Variants in IRAG1 observed in about 807,000 individuals in gnomAD.
IRAG1 encodes the protein inositol 1,4,5-triphosphate receptor associated 1.
In IRAG1, 62 loss-of-function variants were observed where a neutral mutation model predicts 106.2. That is an observed-to-expected ratio of 0.58 (90% confidence interval 0.48 to 0.72). The LOEUF is 0.72. Ranked by LOEUF, IRAG1 falls within the 30% of genes least tolerant of loss-of-function variation. IRAG1 has a pLI of 0.00. For synonymous variants in IRAG1, 462 were observed against 443.9 expected (o/e 1.04, Z -0.51); for missense variants, 1,064 against 1,140.7 (o/e 0.93, Z 0.97).
chr11:10,623,035 G>A (rs576838941), intron 10 of IRAG1, among the ~76,000 whole-genome samples: 2 of 152,206 alleles, frequency 1.3e-5, no homozygotes, highest in African/African-American at 4.8e-5. Context: ...AAGAAGGCAG[G>A]TACTGTTCTT....
intron 11 of IRAG1, 108 bp from the exon 12 acceptor site, chr11:10,606,880 G>T: frequency 9.8e-7 from 1 of 1,024,338 alleles, no homozygotes; most frequent in Non-Finnish European, 1.4e-6. Context: ...GGAGTAAGCT[G>T]TGTTGGTGAG....
intron 1 of IRAG1, chr11:10,690,400 C>A (rs1861970264): frequency 1.6e-6 from 2 of 1,286,746 alleles, no homozygotes; most frequent in African/African-American, 3.0e-5. Context: ...TCCTGTCCGA[C>A]CAACTGTCCT....
At chr11:10,658,781 GCCCCGTGTCTGTGCTGTGC>G (rs1859151295) in intron 1 of IRAG1, among the ~76,000 whole-genome samples, 1 of 149,496 alleles carries the variant, frequency 6.7e-6, no homozygotes, top group Non-Finnish European at 1.5e-5. Flanking sequence ...TGCTGTGCTT[GCCCCGTGTCTGTGCTGTGC>G]TCAGTCCTAG....
intron 20 of IRAG1, among the ~76,000 whole-genome samples, chr11:10,576,886 A>C (rs1257847374): frequency 6.6e-6 from 1 of 152,226 alleles, no homozygotes; most frequent in African/African-American, 2.4e-5. Context: ...TCATCCATCC[A>C]TACATGCCCT....
At chr11:10,679,061 G>A (rs2135173147) in intron 1 of IRAG1, among the ~76,000 whole-genome samples, 1 of 152,252 alleles carries the variant, frequency 6.6e-6, no homozygotes, top group South Asian at 2.1e-4. Flanking sequence ...TAGAAAAGAG[G>A]CACAATGCCC....
At position 10,576,200 on chromosome 11, in the gene IRAG1, T is replaced by C. The variant is rs1591524027; in HGVS notation, c.*132A>G. The stretch of plus-strand genomic sequence containing the variant: ...ATAGCTCCCACAGAAGTGCCGAGTG[T>C]TAAAAGAACCCTTCCTCATGACCTG... On this transcript the variant is annotated 3_prime_UTR_variant, in exon 21 of 21. Coordinates refer to ENST00000423302, the MANE Select transcript of IRAG1 (RefSeq NM_130385.4). 22 of 1,218,370 alleles carry C rather than the reference T, an allele frequency of 1.8e-5. No homozygotes were observed. The South Asian group carries it at 2.5e-4, about 14-fold the overall frequency. 75.5% of individuals were successfully genotyped at this position (1,218,370 alleles called of 1,614,324 possible).
At chr11:10,578,295 C>G (rs1188024038) in intron 20 of IRAG1, among the ~76,000 whole-genome samples, 1 of 152,178 alleles carries the variant, frequency 6.6e-6, no homozygotes, top group African/African-American at 2.4e-5. Context: ...GTTTGAACAG[C>G]CGTTAGGAGA....
chr11:10,639,652 G>C (rs2134740441), intron 2 of IRAG1, among the ~76,000 whole-genome samples: 1 of 152,062 alleles, frequency 6.6e-6, no homozygotes, highest in South Asian at 2.1e-4. Context: ...CTCTTCCCCT[G>C]CTTGCCTCCC....
At chr11:10,643,154 GCGA>G (rs1857657285) in intron 2 of IRAG1, among the ~76,000 whole-genome samples, 2 of 127,894 alleles carry the variant, frequency 1.6e-5, no homozygotes, top group Non-Finnish European at 3.2e-5. Flanking sequence ...TCCAGCCTGG[GCGA>G]CAGAGTGAGA....
chr11:10,609,830 G>C lies in IRAG1; in HGVS notation c.1469C>G (p.Pro490Arg), dbSNP rs764575219. Residue 490 changes from proline to arginine, a missense_variant, in exon 11 of 21, where the codon CCA (proline) becomes CGA (arginine). Pro to Arg is a moderately radical substitution (Grantham distance 103). Transcript: ENST00000423302. ...QEKGLPSELS[P>R]AIEEEESKSG... Reference sequence around the variant, plus strand: ...CTTTGACTCTTCTTCCTCAATAGCTGGGGAGAGTTCAGAAGGAAGCCCTGA... The same window carrying C: ...CTTTGACTCTTCTTCCTCAATAGCTCGGGAGAGTTCAGAAGGAAGCCCTGA... 6.2e-7 allele frequency: 1 copy of C among 1,613,850 alleles called. No homozygotes were observed. The highest frequency in any genetic ancestry group is 1.1e-5 in the South Asian group (1 of 91,082).
intron 2 of IRAG1, among the ~76,000 whole-genome samples, chr11:10,649,367 G>A (rs906729529): frequency 1.3e-5 from 2 of 152,218 alleles, no homozygotes; most frequent in Non-Finnish European, 2.9e-5. Context: ...GGTCCCTCAG[G>A]CTATAGAAGG....
intron 12 of IRAG1, 50 bp downstream of exon 12, chr11:10,606,692 G>GC: frequency 6.5e-7 from 1 of 1,549,108 alleles, no homozygotes; most frequent in Admixed American, 2.0e-5. Context: ...TTTTGAATAA[G>GC]CCCAGTCAAG....
chr11:10,585,772 T>G (rs1851901124), intron 18 of IRAG1, among the ~76,000 whole-genome samples: 1 of 152,128 alleles, frequency 6.6e-6, no homozygotes, highest in Admixed American at 6.5e-5. Flanking sequence ...TATTATCCCA[T>G]TTCACAGATA....
chr11:10,662,292 G>A (rs779643147), intron 1 of IRAG1, among the ~76,000 whole-genome samples: 1 of 152,084 alleles, frequency 6.6e-6, no homozygotes, highest in African/African-American at 2.4e-5. Flanking sequence ...TAAGCAAGTG[G>A]GTGGCCTTGC....
rs1239925208 is a variant in IRAG1, at chr11:10,573,982, C to T, written c.*2350G>A. On this transcript the variant is annotated 3_prime_UTR_variant, in exon 21 of 21. Coordinates refer to ENST00000423302, the MANE Select transcript of IRAG1 (RefSeq NM_130385.4). The stretch of plus-strand genomic sequence containing the variant: ...GCCCCCAGAGTCCCTCTGCCCTGCT[C>T]TGTAACTCTTTACCTTAATGGCACA... 2 of 152,354 alleles carry T rather than the reference C, an allele frequency of 1.3e-5. No individual in the cohort carries two copies. The highest frequency in any genetic ancestry group is 4.8e-5 in the African/African-American group (2 of 41,462). The allele number at this position is 152,354 out of a possible 1,614,324, so 9.4% of individuals were successfully genotyped here. A position where few individuals can be genotyped will look rare whatever the true frequency, so the allele number is the denominator to read the frequency against.
chr11:10,684,352 C>G (rs1415454858), intron 1 of IRAG1, among the ~76,000 whole-genome samples: 1 of 151,806 alleles, frequency 6.6e-6, no homozygotes, highest in Non-Finnish European at 1.5e-5. Context: ...TAAACTATTG[C>G]AAGGACAAAA....
chr11:10,630,498 C>T (rs1027117316), intron 4 of IRAG1, among the ~76,000 whole-genome samples: 1 of 152,046 alleles, frequency 6.6e-6, no homozygotes, highest in Non-Finnish European at 1.5e-5. Context: ...CAGCCTCGCT[C>T]GTACTTGTTA....
chr11:10,611,498 A>G (rs1368589098), intron 10 of IRAG1: 1 of 152,212 alleles, frequency 6.6e-6, no homozygotes, highest in Non-Finnish European at 1.5e-5. Flanking sequence ...GTTTCCCAAA[A>G]TGGTGCTTGA....
chr11:10,629,604 C>T lies in IRAG1; in HGVS notation c.508G>A (p.Val170Met), dbSNP rs1394417540. ...CGGCGGGTCAGGAATCGCTCACTCA[C>T]CAACTTGGCTTCTTCCAGCAGCGCC... ...NLALLEEAKL[V>M]SERFLTRRGR... The change falls in exon 5 of 21, where the codon GTG (valine) becomes ATG (methionine). Residue 170 changes from valine to methionine, a missense_variant. Val to Met is a conservative substitution (Grantham distance 21). Coordinates refer to ENST00000423302, the MANE Select transcript of IRAG1 (RefSeq NM_130385.4). 2 of 1,613,920 alleles carry T rather than the reference C, an allele frequency of 1.2e-6. No individual in the cohort carries two copies. The highest frequency in any genetic ancestry group is 1.7e-5 in the Admixed American group (1 of 60,008).
Sources: allele counts gnomAD v4.1 joint callset (sites outside exome capture counted in the v4.1 genomes callset), GRCh38; gene constraint gnomAD v4.1.1; transcripts MANE v1.5; gene names NCBI Gene and HGNC (gene_info 2026-07-23, HGNC 2026-07-21).